Variants in ARL10 observed in about 807,000 individuals in gnomAD.
ARL10 encodes ARF like GTPase 10, also known as ADP-ribosylation factor-like protein 10.
A neutral mutation model predicts 26.1 loss-of-function variants in ARL10; 23 were observed. That is an observed-to-expected ratio of 0.88 (90% CI 0.63 to 1.25). The LOEUF (loss-of-function observed/expected upper bound fraction) is 1.25. Ranked by LOEUF, ARL10 falls within the 50% of genes most tolerant of loss-of-function variation. ARL10 has a pLI of 0.00. For missense variants in ARL10, 300 were observed against 323.6 expected, an observed-to-expected ratio of 0.93 and a Z score of 0.56; for synonymous variants, 138 against 149.1, an observed-to-expected ratio of 0.93 and a Z score of 0.54.
chr5:176,409,692 G>A, the ARL10 span, among the ~76,000 whole-genome samples: 1 of 152,010 alleles, frequency 6.6e-6, no homozygotes, highest in South Asian at 2.1e-4. Context: ...GGGATTACAG[G>A]CGTCAGCCAC....
chr5:176,411,963 T>C, the ARL10 span, among the ~76,000 whole-genome samples: 11 of 151,810 alleles, frequency 7.2e-5, no homozygotes, highest in Non-Finnish European at 1.5e-4. Context: ...GATCACGAAG[T>C]CAGGAGATCG....
Position 176,375,091 on chromosome 5 carries a change from T to TCCATCCATCCA in ARL10, c.*3197_*3207dup, listed in dbSNP as rs1768645934. ...ACAGGTGGCCTCATCCATCCATCCATCCATCCATCCATCCATCCCTCCATC... is the reference window on the plus strand; with the variant it reads ...ACAGGTGGCCTCATCCATCCATCCATCCATCCATCCACCATCCATCCATCCATCCCTCCATC... On this transcript the variant is annotated 3_prime_UTR_variant, in exon 4 of 4. Transcript: ENST00000310389. The TCCATCCATCCA allele has an allele frequency of 6.7e-6, 1 of 148,334 alleles. No homozygotes were observed. The highest frequency in any genetic ancestry group is 1.5e-5 in the Non-Finnish European group (1 of 66,658). 9.2% of individuals were successfully genotyped at this position (148,334 alleles called of 1,614,324 possible). A position where few individuals can be genotyped will look rare whatever the true frequency, so the allele number is the denominator to read the frequency against.
chr5:176,390,166 G>A (rs1381096583), downstream of ARL10, among the ~76,000 whole-genome samples: 15 of 107,190 alleles, frequency 1.4e-4, no homozygotes, highest in Non-Finnish European at 2.3e-4. Flanking sequence ...TGGGCAACAA[G>A]AGCAAAACTC....
downstream of ARL10, chr5:176,392,816 G>T: frequency 6.2e-7 from 1 of 1,614,256 alleles, no homozygotes; most frequent in South Asian, 1.1e-5. This position sits in a 1 kb window ranked among gnomAD's most constrained non-coding sequence, Gnocchi z 5.2. Context: ...TGAGCACCGA[G>T]CGCAGGCGGG....
downstream of ARL10, among the ~76,000 whole-genome samples, chr5:176,391,513 G>A (rs1415238309): frequency 6.6e-6 from 1 of 152,226 alleles, no homozygotes; most frequent in Non-Finnish European, 1.5e-5. Context: ...CTGAGAGGCT[G>A]AGGTGGAAGG....
chr5:176,384,995 C>A (rs1561781205), downstream of ARL10: 13 of 573,712 alleles, frequency 2.3e-5, no homozygotes, highest in South Asian at 2.3e-4. Flanking sequence ...ACCATGCGAG[C>A]AAAACATTTA....
intron 1 of ARL10, among the ~76,000 whole-genome samples, chr5:176,398,727 T>C (rs1217222711): frequency 1.3e-5 from 2 of 151,764 alleles, no homozygotes; most frequent in Non-Finnish European, 2.9e-5. Context: ...AATAAACAAA[T>C]AAAAATAAAA....
chr5:176,389,280 G>C (rs200008165), downstream of ARL10: 1,407 of 1,572,752 alleles, frequency 8.9e-4, 2 homozygotes, highest in Non-Finnish European at 7.4e-4. Flanking sequence ...AGCGGGGAAT[G>C]ACCTGCGGGG....
chr5:176,375,346 TC>T lies in ARL10; in HGVS notation c.*3453del, dbSNP rs1768672758. 4 of 141,426 alleles carry T rather than the reference TC, an allele frequency of 2.8e-5. No individual in the cohort carries two copies. The South Asian group carries it at 9.0e-4, about 32-fold the overall frequency. The allele number at this position is 141,426 out of a possible 1,614,324, so 8.8% of individuals were successfully genotyped here. On this transcript the variant is annotated 3_prime_UTR_variant, in exon 4 of 4. Transcript: ENST00000310389. ...CATCCATCCATCCATCATCCACCCATCCATCCATCCATCCATCCATCTGTGG... is the reference window on the plus strand; with the variant it reads ...CATCCATCCATCCATCATCCACCCATCATCCATCCATCCATCCATCTGTGG...
At chr5:176,389,243 T>G, downstream of ARL10, 1 of 1,453,384 alleles carries the variant, frequency 6.9e-7, no homozygotes, top group Middle Eastern at 2.5e-4. Flanking sequence ...GATCCAGAGA[T>G]CTTGGCTTTG....
At chr5:176,384,599 C>A (rs1755685877), downstream of ARL10, 1 of 568,396 alleles carries the variant, frequency 1.8e-6, no homozygotes, top group South Asian at 2.3e-5. Flanking sequence ...CCACCCTGGG[C>A]AACCCAGTGA....
At chr5:176,388,023 G>A (rs79439905) in intron 1 of ARL10, among the ~76,000 whole-genome samples, 1 of 152,194 alleles carries the variant, frequency 6.6e-6, no homozygotes, top group African/African-American at 2.4e-5. Flanking sequence ...ACTGAGTAGA[G>A]GGGGTATGGG....
chr5:176,391,073 CACA>C (rs1442844670), downstream of ARL10, among the ~76,000 whole-genome samples: 1 of 152,160 alleles, frequency 6.6e-6, no homozygotes, highest in Non-Finnish European at 1.5e-5. Context: ...GGAGTGAAGA[CACA>C]CCCCTTCTTG....
chr5:176,403,506 G>A (rs1756945377), downstream of ARL10, among the ~76,000 whole-genome samples: 1 of 151,982 alleles, frequency 6.6e-6, no homozygotes, highest in African/African-American at 2.4e-5. Context: ...CCAGGCTGGA[G>A]TGCAGTGACG....
chr5:176,395,037 G>A (rs1273445552), intron 1 of ARL10, among the ~76,000 whole-genome samples: 4 of 151,960 alleles, frequency 2.6e-5, no homozygotes, highest in Non-Finnish European at 5.9e-5. Flanking sequence ...CACAACAGGC[G>A]CTTTGCAACC....
downstream of ARL10, chr5:176,406,787 T>G (rs189430660): frequency 6.3e-6 from 7 of 1,117,064 alleles, 1 homozygote; most frequent in East Asian, 4.3e-4. Flanking sequence ...CAGGCCAAGG[T>G]TTCTCCTCCC....
the ARL10 span, among the ~76,000 whole-genome samples, chr5:176,415,007 G>A: frequency 6.6e-6 from 1 of 152,138 alleles, no homozygotes; most frequent in Non-Finnish European, 1.5e-5. Flanking sequence ...TACTACAACA[G>A]GCCCATAAAC....
chr5:176,390,753 A>G (rs866138736), downstream of ARL10, among the ~76,000 whole-genome samples: 1 of 152,174 alleles, frequency 6.6e-6, no homozygotes, highest in Non-Finnish European at 1.5e-5. Context: ...AGCCTAGACC[A>G]TCTGGTTCTT....
At chr5:176,396,157 C>G (rs1408842040) in intron 1 of ARL10, among the ~76,000 whole-genome samples, 3 of 152,110 alleles carry the variant, frequency 2.0e-5, no homozygotes, top group Non-Finnish European at 2.9e-5. Context: ...AACCCTTCAC[C>G]CCACACACCC....
Sources: gnomAD v4.1 joint callset for allele counts (sites outside exome capture counted in the v4.1 genomes callset) on GRCh38, gnomAD v4.1.1 for gene constraint, Gnocchi (gnomAD v3.1) non-coding constraint, MANE v1.5 for transcripts, NCBI Gene and HGNC (gene_info 2026-07-23, HGNC 2026-07-21) for gene names.